The following PHF20 variants were observed in gnomAD, a reference collection of about 807,000 sequenced individuals.
PHF20 encodes glioma-expressed antigen 2.
In PHF20, 23 loss-of-function variants were observed where a neutral mutation model predicts 113.5. The ratio of observed to expected loss-of-function variants is 0.20; its 90% confidence interval spans 0.15 to 0.29. The LOEUF is 0.29. Among genes scored for constraint, PHF20 ranks in the 10% least tolerant of loss-of-function variants. The probability of loss-of-function intolerance (pLI) is 1.00; values close to 1 mark genes in which losing one functional copy is unlikely to be tolerated. For missense variants in PHF20, 943 were observed against 1,219.6 expected (o/e 0.77, Z 3.38); for synonymous variants, 434 against 457.3 (o/e 0.95, Z 0.65).
intron 10 of PHF20, among the ~76,000 whole-genome samples, chr20:35,910,526 A>G (rs2055279251): frequency 6.6e-6 from 1 of 151,908 alleles, no homozygotes; most frequent in African/African-American, 2.4e-5. Flanking sequence ...TTCCCTCCCA[A>G]ACTTTCCTCA....
chr20:35,797,505 C>A (rs1369488563), intron 1 of PHF20, among the ~76,000 whole-genome samples: 9 of 146,638 alleles, frequency 6.1e-5, no homozygotes, highest in African/African-American at 2.0e-4. Context: ...CAGAGTGAGA[C>A]CCTGTCTCAA....
Position 35,938,932 on chromosome 20 carries a change from G to T in PHF20, c.2536G>T (p.Ala846Ser). 3.7e-6 allele frequency: 6 copies of T among 1,614,200 alleles called. No homozygotes were observed. Among genetic ancestry groups the T allele is most frequent in the Non-Finnish European group, 4.2e-6 (5 of 1,180,032 alleles). The change falls in exon 16 of 18, where the codon GCC (alanine) becomes TCC (serine). Residue 846 changes from alanine (A) to serine (S), a missense_variant. Physicochemically the swap from Ala to Ser is moderately conservative, Grantham distance 99. This residue lies in a region of PHF20 where 349 missense variants were observed against 412.3 expected (regional missense o/e 0.85). Coordinates refer to ENST00000374012, the MANE Select transcript of PHF20 (RefSeq NM_016436.5). The part of the protein sequence containing the change: ...TSEHCYQKPR[A>S]YYPAVEQKLV... ...TGAGCATTGCTACCAGAAGCCCCGC[G>T]CCTATTACCCTGCCGTGGAGCAGAA...
At chr20:35,845,497 C>T in intron 3 of PHF20, 1 of 225,762 alleles carries the variant, frequency 4.4e-6, no homozygotes, top group Non-Finnish European at 9.6e-6. Flanking sequence ...TCCTGAGTAC[C>T]TGGGACTATA....
At chr20:35,941,579 GTGA>G (rs2055980594) in intron 17 of PHF20, among the ~76,000 whole-genome samples, 1 of 152,148 alleles carries the variant, frequency 6.6e-6, no homozygotes, top group Non-Finnish European at 1.5e-5. Context: ...GATCAAACCG[GTGA>G]TGATGAACAT....
Position 35,934,561 on chromosome 20 carries a change from A to AC in PHF20, c.2300+3123dup, listed in dbSNP as rs531767249. Among the ~76,000 whole-genome samples, 113 of 152,086 alleles carry AC rather than the reference A, an allele frequency of 7.4e-4. 1 individual carries two copies. The highest frequency in any genetic ancestry group is 2.6e-3 in the African/African-American group (109 of 41,470). On this transcript the variant is annotated intron_variant, in intron 15 of 17. Transcript: ENST00000374012. Reference sequence around the variant, plus strand: ...TATTGCTCTGGCATTCTCTTGGGATACCCCCCATTTGCATGGTTGAAGCAG... The same window carrying AC: ...TATTGCTCTGGCATTCTCTTGGGATACCCCCCCATTTGCATGGTTGAAGCAG...
intron 12 of PHF20, among the ~76,000 whole-genome samples, chr20:35,915,617 C>T (rs966551963): frequency 1.3e-5 from 2 of 151,904 alleles, no homozygotes; most frequent in South Asian, 2.1e-4. Flanking sequence ...GAACTCCTGA[C>T]CTTGTGATCC....
chr20:35,909,858 G>A (rs553783943), intron 10 of PHF20, among the ~76,000 whole-genome samples: 7 of 152,306 alleles, frequency 4.6e-5, no homozygotes, highest in African/African-American at 1.4e-4. Context: ...AGGAGACATG[G>A]TGCTGGAGAG....
intron 17 of PHF20, among the ~76,000 whole-genome samples, chr20:35,941,278 C>T (rs2055974794): frequency 6.6e-6 from 1 of 152,172 alleles, no homozygotes; most frequent in Admixed American, 6.5e-5. Flanking sequence ...CTTGTCTGAT[C>T]CCTTCTGTAA....
At chr20:35,828,980 G>A (rs756700710) in intron 2 of PHF20, among the ~76,000 whole-genome samples, 3 of 152,174 alleles carry the variant, frequency 2.0e-5, no homozygotes, top group Non-Finnish European at 2.9e-5. Flanking sequence ...CAGGAGCGGC[G>A]TAATGGGGGG....
At chr20:35,915,959 C>T (rs2055395935) in intron 12 of PHF20, among the ~76,000 whole-genome samples, 2 of 152,010 alleles carry the variant, frequency 1.3e-5, no homozygotes, top group Non-Finnish European at 2.9e-5. Flanking sequence ...ACATGGCAAA[C>T]CTTGCCTCTA....
At chr20:35,900,484 G>A (rs1277103251) in intron 10 of PHF20, among the ~76,000 whole-genome samples, 1 of 152,124 alleles carries the variant, frequency 6.6e-6, no homozygotes, top group East Asian at 1.9e-4. Flanking sequence ...ACCCTCCGAG[G>A]GGTCAACCTT....
At chr20:35,803,419 G>C (rs954677828) in intron 2 of PHF20, among the ~76,000 whole-genome samples, 2 of 151,304 alleles carry the variant, frequency 1.3e-5, no homozygotes, top group African/African-American at 2.4e-5. Flanking sequence ...TGCCTCCTAG[G>C]TTCAAGCAAT....
In PHF20 at chr20:35,777,695, G is replaced by A. The variant is rs375019745; in HGVS notation, c.-33+5616G>A. 7.2e-5 allele frequency among the ~76,000 whole-genome samples: 11 copies of A among 152,244 alleles called. No individual in the cohort carries two copies. In the East Asian group the frequency reaches 1.7e-3, roughly 24 times the overall value. On this transcript the variant is annotated intron_variant, in intron 1 of 17. Transcript: ENST00000374012. Reference sequence around the variant, plus strand: ...AAAAAGTAGTCAGGCATGGTGGTGCGTGCTTGTAGTCCCAGCTCCTTGGGA... The same window carrying A: ...AAAAAGTAGTCAGGCATGGTGGTGCATGCTTGTAGTCCCAGCTCCTTGGGA...
chr20:35,942,980 G>T (rs557076137), intron 17 of PHF20, among the ~76,000 whole-genome samples: 1 of 152,046 alleles, frequency 6.6e-6, no homozygotes, highest in East Asian at 1.9e-4. Context: ...CCCGCCACCA[G>T]GCCCGGCTAA....
intron 9 of PHF20, among the ~76,000 whole-genome samples, chr20:35,880,538 G>A (rs74967064): frequency 0.018 from 2,811 of 152,188 alleles, 91 homozygotes; most frequent in African/African-American, 0.065. Context: ...ATATTTTAAA[G>A]AAGTTTTTAT....
At chr20:35,820,731 G>C (rs2146900903) in intron 2 of PHF20, among the ~76,000 whole-genome samples, 1 of 152,192 alleles carries the variant, frequency 6.6e-6, no homozygotes, top group Admixed American at 6.6e-5. Context: ...TTACTGGTGT[G>C]AGCCATCACA....
At chr20:35,797,824 G>A (rs1455806885) in intron 1 of PHF20, among the ~76,000 whole-genome samples, 1 of 151,480 alleles carries the variant, frequency 6.6e-6, no homozygotes, top group African/African-American at 2.4e-5. Flanking sequence ...GCTAATTTTT[G>A]TATTTTTAGT....
intron 9 of PHF20, among the ~76,000 whole-genome samples, chr20:35,890,193 A>G (rs990353628): frequency 2.0e-5 from 3 of 148,456 alleles, no homozygotes; most frequent in Admixed American, 6.8e-5. Context: ...ACACCCATCT[A>G]CTTTTTGTAT....
At chr20:35,827,122 A>AT (rs1388058156) in intron 2 of PHF20, among the ~76,000 whole-genome samples, 3 of 151,762 alleles carry the variant, frequency 2.0e-5, no homozygotes, top group Middle Eastern at 3.2e-3. Flanking sequence ...GCAAGCTCTG[A>AT]TTTTTTTTCG....
Sources: allele counts gnomAD v4.1 joint callset (sites outside exome capture counted in the v4.1 genomes callset), GRCh38; gene constraint gnomAD v4.1.1; regional missense constraint gnomAD v4.1.1; transcripts MANE v1.5; gene names NCBI Gene and HGNC (gene_info 2026-07-23, HGNC 2026-07-21).